ATP13A3: variants seen among roughly 807,000 people sequenced by gnomAD.
The protein encoded by ATP13A3 is polyamine-transporting ATPase 13A3.
Under a neutral mutation model 158.1 loss-of-function variants are expected in ATP13A3, and 59 were observed. The ratio of observed to expected loss-of-function variants is 0.37; its 90% CI spans 0.30 to 0.46. The LOEUF (loss-of-function observed/expected upper bound fraction) is 0.46. ATP13A3 is among the 20% of genes least tolerant of loss of function. The pLI is 1.00. For missense variants in ATP13A3, 1,166 were observed against 1,525.2 expected (o/e 0.76, Z 3.92); for synonymous variants, 491 against 504.3 (o/e 0.97, Z 0.35).
chr3:194,483,362 G>A (rs1399164024), intron 2 of ATP13A3, among the ~76,000 whole-genome samples: 2 of 147,128 alleles, frequency 1.4e-5, no homozygotes, highest in Non-Finnish European at 3.0e-5. Context: ...GGCCAAGGCA[G>A]GCAGACTGCT....
intron 26 of ATP13A3, 31 bp downstream of exon 26, chr3:194,430,041 A>AAGGGATG (rs1470289101): frequency 6.4e-7 from 1 of 1,557,954 alleles, no homozygotes; most frequent in Non-Finnish European, 8.8e-7. Flanking sequence ...GACAGAGAAA[A>AAGGGATG]AGGGATGAGA....
intron 2 of ATP13A3, among the ~76,000 whole-genome samples, chr3:194,476,856 G>A (rs1192139714): frequency 6.7e-6 from 1 of 149,962 alleles, no homozygotes; most frequent in Non-Finnish European, 1.5e-5. Context: ...GTCTTACAAC[G>A]CACAACATGA....
rs368587383 is a variant in ATP13A3 at position 194,457,059 on chromosome 3, T to C, written c.560+35A>G. 141 of 1,524,828 alleles carry C rather than the reference T, an allele frequency of 9.2e-5. No homozygotes were observed. In the East Asian group the frequency reaches 1.9e-3, roughly 20 times the overall value. 94.5% of individuals were successfully genotyped at this position (1,524,828 alleles called of 1,614,324 possible). On this transcript the variant is annotated intron_variant, in intron 7 of 33. Transcript: ENST00000645319. ...ATGTATACTACTGCTTTTAGGAATT[T>C]TGAGAAGATCTAACTTTAGTTGGAT... is the stretch of plus-strand genomic sequence containing the variant.
chr3:194,459,260 G>T (rs1288585489), intron 6 of ATP13A3: 2 of 516,108 alleles, frequency 3.9e-6, no homozygotes, highest in African/African-American at 1.9e-5. Flanking sequence ...TAAGTTTCAT[G>T]TAAACTCTGC....
At position 194,448,244 on chromosome 3, in the gene ATP13A3, AT is replaced by A. The variant is rs1718543639; in HGVS notation, c.1150+212del. ...AGGCGCCCGCCACCAGGCCCGGCTA[AT>A]TTTTTTGTAATTTTGGTAGAGACGG... On this transcript the variant is annotated intron_variant, in intron 12 of 33. Transcript: ENST00000645319. This position sits in a 1 kb window ranked among gnomAD's most constrained non-coding sequence, Gnocchi z 4.0. 6.6e-6 allele frequency among the ~76,000 whole-genome samples: 1 copy of A among 151,946 alleles called. No individual in the cohort carries two copies. The highest frequency in any genetic ancestry group is 6.6e-5 in the Admixed American group (1 of 15,260).
intron 2 of ATP13A3, among the ~76,000 whole-genome samples, chr3:194,475,720 T>TAC (rs912568254): frequency 6.6e-5 from 10 of 151,780 alleles, no homozygotes; most frequent in East Asian, 1.9e-4. Flanking sequence ...AAAAACCACA[T>TAC]ACACACACAC....
rs1231286833 is a variant in ATP13A3, at chr3:194,420,984, T to C, written c.3314-1017A>G. Among the ~76,000 whole-genome samples, 17 of 148,894 alleles carry C rather than the reference T, an allele frequency of 1.1e-4. No individual in the cohort carries two copies. In the Admixed American group the frequency reaches 1.1e-3, roughly 10 times the overall value. On this transcript the variant is annotated intron_variant, in intron 30 of 33. Transcript: ENST00000645319. ...TGTAAATGAAGGGTCTCAGTGCCAT[T>C]TTTAAACGTGGATGTTATTTGTAAA... is the stretch of plus-strand genomic sequence containing the variant.
At position 194,431,796 on chromosome 3, in the gene ATP13A3, T is replaced by A; in HGVS notation, c.2342A>T (p.Asp781Val). The change falls in exon 22 of 34, where the codon GAT becomes GTT. Residue 781 changes from aspartate (D) to valine (V), a missense_variant. Physicochemically the swap from Asp to Val is radical, Grantham distance 152 (BLOSUM62 -3). This residue lies in a region of ATP13A3 where 997 missense variants were observed against 1,341.2 expected (regional missense o/e 0.74). Transcript: ENST00000645319. ...VIIAEALPPKDGKVAKINWHY... is the reference protein window; with the variant it reads ...VIIAEALPPKVGKVAKINWHY... ...CCAATTTATTTTGGCAACTTTCCCA[T>A]CCTTTGGAGGTAATGCTTCAGCAAT... is the stretch of plus-strand genomic sequence containing the variant. The A allele has an allele frequency of 6.2e-7, 1 of 1,613,314 alleles. No homozygotes were observed. Among genetic ancestry groups the A allele is most frequent in the Non-Finnish European group, 8.5e-7 (1 of 1,179,724 alleles).
chr3:194,431,108 G>A lies in ATP13A3; in HGVS notation c.2540C>T (p.Pro847Leu). Reference protein sequence around the residue: ...VILEHFQDLVPKLMLHGTVFA... With the variant: ...VILEHFQDLVLKLMLHGTVFA... ...ACATACACCCAAATTACTTACCTTA[G>A]GAACAAGGTCTTGAAAATGCTCCAG... The change falls in exon 23 of 34, where the codon CCT becomes CTT. Residue 847 changes from proline to leucine, a missense_variant. Pro to Leu is a moderately conservative substitution (Grantham distance 98). This residue lies in a region of ATP13A3 where 997 missense variants were observed against 1,341.2 expected (regional missense o/e 0.74). Coordinates refer to ENST00000645319, the MANE Select transcript of ATP13A3 (RefSeq NM_001367549.1). 1 of 1,613,572 alleles carries A rather than the reference G, an allele frequency of 6.2e-7. No individual in the cohort carries two copies. The highest frequency in any genetic ancestry group is 8.5e-7 in the Non-Finnish European group (1 of 1,179,656).
intron 11 of ATP13A3, among the ~76,000 whole-genome samples, chr3:194,449,719 T>C (rs1247839926): frequency 4.6e-5 from 7 of 151,902 alleles, no homozygotes; most frequent in Admixed American, 1.3e-4. Flanking sequence ...AATCAAGCTC[T>C]ACCTCAAGAT....
intron 2 of ATP13A3, among the ~76,000 whole-genome samples, chr3:194,482,462 C>CCTTCTT (rs1330394404): frequency 2.6e-5 from 4 of 152,122 alleles, no homozygotes; most frequent in African/African-American, 9.7e-5. Context: ...TAACTGTGGA[C>CCTTCTT]CTTCTTCTAC....
chr3:194,444,382 T>G (rs1718253639), intron 15 of ATP13A3, among the ~76,000 whole-genome samples: 1 of 152,208 alleles, frequency 6.6e-6, no homozygotes, highest in South Asian at 2.1e-4. Context: ...GGATAAATCT[T>G]GAAAACAAAG....
intron 33 of ATP13A3, among the ~76,000 whole-genome samples, chr3:194,409,170 C>T (rs185698425): frequency 8.0e-4 from 122 of 152,226 alleles, no homozygotes; most frequent in South Asian, 1.7e-3. Context: ...GTCAAGTTTA[C>T]GCTTAGCAAT....
At chr3:194,466,620 A>G (rs1720005023) in intron 2 of ATP13A3, among the ~76,000 whole-genome samples, 1 of 152,214 alleles carries the variant, frequency 6.6e-6, no homozygotes, top group African/African-American at 2.4e-5. Context: ...GATACATGAG[A>G]GTCCATTATA....
At chr3:194,434,071 T>C (rs148163465) in intron 20 of ATP13A3, among the ~76,000 whole-genome samples, 175 bp from the exon 21 acceptor site, 45 of 152,274 alleles carry the variant, frequency 3.0e-4, no homozygotes, top group African/African-American at 1.1e-3. Context: ...TGTTCAAGAG[T>C]TCAGTATCTC....
At chr3:194,438,748 G>A (rs912078390) in intron 17 of ATP13A3, 108 bp downstream of exon 17, 1 of 647,992 alleles carries the variant, frequency 1.5e-6, no homozygotes, top group African/African-American at 1.9e-5. Context: ...AGACCAGCCT[G>A]GGCAACATAG....
chr3:194,458,670 G>C (rs1719422936), intron 6 of ATP13A3, among the ~76,000 whole-genome samples: 1 of 152,182 alleles, frequency 6.6e-6, no homozygotes, highest in South Asian at 2.1e-4. Flanking sequence ...TTACAGGCAT[G>C]AGACACCATG....
At chr3:194,454,009 G>A (rs183176385) in intron 9 of ATP13A3, among the ~76,000 whole-genome samples, 2 of 152,266 alleles carry the variant, frequency 1.3e-5, no homozygotes, top group Admixed American at 6.5e-5. Context: ...TCTGTGATCA[G>A]CAACTACAGA....
At chr3:194,429,631 T>C (rs1188942099) in intron 27 of ATP13A3, 47 bp downstream of exon 27, 2 of 1,413,618 alleles carry the variant, frequency 1.4e-6, no homozygotes, top group South Asian at 1.3e-5. Flanking sequence ...CATCTTAATT[T>C]ACGGTGCACA....
Sources: allele counts gnomAD v4.1 joint callset (sites outside exome capture counted in the v4.1 genomes callset), GRCh38; gene constraint gnomAD v4.1.1; regional missense constraint gnomAD v4.1.1; non-coding constraint Gnocchi (gnomAD v3.1); transcripts MANE v1.5; gene names NCBI Gene and HGNC (gene_info 2026-07-23, HGNC 2026-07-21).